Variants in TGFBR2 observed in about 807,000 individuals in gnomAD.
TGFBR2 encodes TGF-beta receptor type-2.
A neutral mutation model predicts 49.0 loss-of-function variants in TGFBR2; 18 were observed. The observed-to-expected ratio is 0.37, with a 90% CI of 0.25 to 0.54. The LOEUF is 0.54. Ranked by LOEUF, TGFBR2 falls within the 20% of genes least tolerant of loss-of-function variation. TGFBR2 has a pLI of 0.85. For synonymous variants in TGFBR2, 282 were observed against 275.9 expected, an observed-to-expected ratio of 1.02 and a Z score of -0.22; for missense variants, 525 against 722.6, an observed-to-expected ratio of 0.73 and a Z score of 3.13.
At chr3:30,644,652 C>G in intron 1 of TGFBR2, 95 bp from the exon 2 acceptor site, 5 of 1,193,360 alleles carry the variant, frequency 4.2e-6, no homozygotes, top group Non-Finnish European at 3.7e-6. Context: ...CTCATGACAT[C>G]AAGTTCATTT....
At chr3:30,638,514 C>T (rs1373173529) in intron 1 of TGFBR2, among the ~76,000 whole-genome samples, 1 of 151,994 alleles carries the variant, frequency 6.6e-6, no homozygotes, top group East Asian at 1.9e-4. Flanking sequence ...AAGGAAAGCC[C>T]GATACCTCTC....
At chr3:30,616,548 A>G (rs962920680) in intron 1 of TGFBR2, among the ~76,000 whole-genome samples, 2 of 152,208 alleles carry the variant, frequency 1.3e-5, no homozygotes, top group African/African-American at 4.8e-5. Context: ...ACTGGGGCTC[A>G]TTTTCCTTCT....
At chr3:30,625,767 T>C (rs142173283) in intron 1 of TGFBR2, among the ~76,000 whole-genome samples, 1 of 152,240 alleles carries the variant, frequency 6.6e-6, no homozygotes, top group Non-Finnish European at 1.5e-5. Flanking sequence ...ATTGTACATG[T>C]ATATGTATAT....
intron 1 of TGFBR2, among the ~76,000 whole-genome samples, chr3:30,639,770 G>C (rs1298918739): frequency 6.6e-6 from 1 of 152,078 alleles, no homozygotes; most frequent in East Asian, 1.9e-4. Context: ...AAACACTCCA[G>C]AAAACAACAG....
At chr3:30,645,227 C>T (rs1358511586) in intron 2 of TGFBR2, among the ~76,000 whole-genome samples, 1 of 151,920 alleles carries the variant, frequency 6.6e-6, no homozygotes, top group Non-Finnish European at 1.5e-5. Context: ...GAGGGATTTG[C>T]CGCTTAGTAG....
At chr3:30,639,632 A>G (rs1311199351) in intron 1 of TGFBR2, among the ~76,000 whole-genome samples, 1 of 152,222 alleles carries the variant, frequency 6.6e-6, no homozygotes, top group South Asian at 2.1e-4. Flanking sequence ...ACCAGTTTCC[A>G]TGGATTATTC....
chr3:30,636,151 ATGTATGTGTGTGTGTGTG>A (rs1487793596), intron 1 of TGFBR2, among the ~76,000 whole-genome samples: 4 of 106,744 alleles, frequency 3.7e-5, no homozygotes, highest in African/African-American at 1.4e-4. Context: ...GAAAATATAT[ATGTATGTGTGTGTGTGTG>A]TGTGTGTGTG....
intron 5 of TGFBR2, among the ~76,000 whole-genome samples, chr3:30,686,290 A>G (rs112966667): frequency 7.2e-5 from 11 of 152,346 alleles, no homozygotes; most frequent in African/African-American, 2.6e-4. Context: ...ATAAGGAATG[A>G]AAGAAAAAAA....
At chr3:30,619,768 G>C (rs1388467505) in intron 1 of TGFBR2, among the ~76,000 whole-genome samples, 2 of 152,060 alleles carry the variant, frequency 1.3e-5, no homozygotes, top group Admixed American at 6.5e-5. Flanking sequence ...TTTTTCTAGT[G>C]GGCCTTCCTT....
At chr3:30,661,908 A>G (rs573727731) in intron 3 of TGFBR2, among the ~76,000 whole-genome samples, 1 of 152,304 alleles carries the variant, frequency 6.6e-6, no homozygotes, top group East Asian at 1.9e-4. Flanking sequence ...TGGGCGCTAT[A>G]TGCTGGGCAG....
chr3:30,624,012 G>T (rs192229253), intron 1 of TGFBR2, among the ~76,000 whole-genome samples: 1 of 151,798 alleles, frequency 6.6e-6, no homozygotes, highest in Non-Finnish European at 1.5e-5. Flanking sequence ...GCATGGTGGC[G>T]GGCGCCTGTA....
chr3:30,669,325 C>T (rs182986211), intron 3 of TGFBR2, among the ~76,000 whole-genome samples: 1 of 151,526 alleles, frequency 6.6e-6, no homozygotes, highest in Non-Finnish European at 1.5e-5. Context: ...GGGTATATAA[C>T]CTGGGGTTCA....
intron 1 of TGFBR2, among the ~76,000 whole-genome samples, chr3:30,631,982 TC>T (rs1258280556): frequency 6.6e-6 from 1 of 152,110 alleles, no homozygotes; most frequent in African/African-American, 2.4e-5. Context: ...GCAAATGAGC[TC>T]CAGGAGAGAA....
intron 1 of TGFBR2, among the ~76,000 whole-genome samples, chr3:30,613,778 G>T (rs1430601497): frequency 6.6e-6 from 1 of 152,210 alleles, no homozygotes; most frequent in East Asian, 1.9e-4. Context: ...GTCAGTCTAG[G>T]TAGAAGGATA....
chr3:30,623,009 A>T (rs570830863), intron 1 of TGFBR2, among the ~76,000 whole-genome samples: 10 of 152,124 alleles, frequency 6.6e-5, no homozygotes, highest in African/African-American at 2.4e-4. Context: ...TGGGTGAAAG[A>T]TCACCAGAGG....
rs1192048718 is a variant in TGFBR2 at position 30,692,484 on chromosome 3, A to C, written c.*885A>C. The C allele has an allele frequency of 8.6e-6, 2 of 232,658 alleles. No homozygotes were observed. The highest frequency in any genetic ancestry group is 1.7e-5 in the Non-Finnish European group (2 of 117,666). The allele number at this position is 232,658 out of a possible 1,614,324, so 14.4% of individuals were successfully genotyped here. A position where few individuals can be genotyped will look rare whatever the true frequency, so the allele number is the denominator to read the frequency against. ...ATTGCCCCACCATCTACTAATGAAAAATTGTTCTTTTTTTCATCTTTCCCC... is the reference window on the plus strand; with the variant it reads ...ATTGCCCCACCATCTACTAATGAAACATTGTTCTTTTTTTCATCTTTCCCC... On this transcript the variant is annotated 3_prime_UTR_variant, in exon 7 of 7. Transcript: ENST00000295754.
chr3:30,662,661 T>A (rs1273682165), intron 3 of TGFBR2, among the ~76,000 whole-genome samples: 1 of 152,212 alleles, frequency 6.6e-6, no homozygotes, highest in Non-Finnish European at 1.5e-5. Flanking sequence ...TTGCCTAAAT[T>A]GGTGTGCTTT....
chr3:30,615,980 G>A (rs1286332638), intron 1 of TGFBR2, among the ~76,000 whole-genome samples: 2 of 151,962 alleles, frequency 1.3e-5, no homozygotes, highest in Non-Finnish European at 2.9e-5. Context: ...GGGCTCAGAG[G>A]AACCTGTCCA....
At chr3:30,628,528 GT>G (rs569832149) in intron 1 of TGFBR2, among the ~76,000 whole-genome samples, 4,659 of 80,084 alleles carry the variant, frequency 0.058, 37 homozygotes, top group Non-Finnish European at 0.064. Flanking sequence ...AAGCCTGTGG[GT>G]TTTTTTTTTT....
Sources: gnomAD v4.1 joint callset for allele counts (sites outside exome capture counted in the v4.1 genomes callset) on GRCh38, gnomAD v4.1.1 for gene constraint, MANE v1.5 for transcripts, NCBI Gene and HGNC (gene_info 2026-07-23, HGNC 2026-07-21) for gene names.